Variants in MEIKIN observed in about 807,000 individuals in gnomAD.
MEIKIN encodes the protein meiosis-specific kinetochore protein.
chr5:131,871,722 G>A (rs578051582), intron 9 of MEIKIN, among the ~76,000 whole-genome samples: 3 of 152,312 alleles, frequency 2.0e-5, no homozygotes, highest in East Asian at 1.9e-4. Flanking sequence ...CCTGACCTCC[G>A]AGTAGCCTAA....
At chr5:131,905,410 C>A (rs191792828) in intron 8 of MEIKIN, among the ~76,000 whole-genome samples, 2 of 151,808 alleles carry the variant, frequency 1.3e-5, no homozygotes, top group African/African-American at 4.8e-5. Flanking sequence ...AGCAAATCAA[C>A]CCCAAAGCTA....
intron 4 of MEIKIN, among the ~76,000 whole-genome samples, chr5:131,936,960 C>G (rs747309945): frequency 5.1e-4 from 78 of 152,194 alleles, no homozygotes; most frequent in Non-Finnish European, 1.1e-3. Flanking sequence ...CCCTCTCTCC[C>G]TCTTCTTCTG....
At chr5:131,876,440 A>T (rs1040258122) in intron 9 of MEIKIN, among the ~76,000 whole-genome samples, 4 of 150,382 alleles carry the variant, frequency 2.7e-5, no homozygotes, top group African/African-American at 1.0e-4. Context: ...TCAAAACCAC[A>T]ATGAGATACC....
chr5:131,830,242 C>G (rs1023335112), intron 11 of MEIKIN, among the ~76,000 whole-genome samples: 2 of 151,822 alleles, frequency 1.3e-5, no homozygotes, highest in African/African-American at 2.4e-5. Flanking sequence ...AAAAAAAATA[C>G]AAAAATTATC....
At chr5:131,910,819 A>G (rs1751323547) in intron 8 of MEIKIN, among the ~76,000 whole-genome samples, 1 of 152,154 alleles carries the variant, frequency 6.6e-6, no homozygotes, top group Non-Finnish European at 1.5e-5. Context: ...AAGTTACCAT[A>G]TAAAAGTAAG....
At chr5:131,808,438 T>C (rs1481484954) in intron 12 of MEIKIN, among the ~76,000 whole-genome samples, 5 of 152,204 alleles carry the variant, frequency 3.3e-5, no homozygotes, top group African/African-American at 4.8e-5. Context: ...GACCCAAAAG[T>C]CATCTCTAAC....
At chr5:131,928,020 T>C (rs1751620743) in intron 5 of MEIKIN, among the ~76,000 whole-genome samples, 1 of 151,588 alleles carries the variant, frequency 6.6e-6, no homozygotes, top group Non-Finnish European at 1.5e-5. Context: ...GGCGCGCGCC[T>C]GTAGTCCCAG....
intron 4 of MEIKIN, among the ~76,000 whole-genome samples, chr5:131,935,649 T>C (rs181460929): frequency 2.0e-5 from 3 of 152,340 alleles, no homozygotes; most frequent in African/African-American, 7.2e-5. Flanking sequence ...AGCATTGTTC[T>C]GAAAACCTAT....
chr5:131,850,473 A>G (rs1750092998), intron 11 of MEIKIN, among the ~76,000 whole-genome samples: 1 of 152,222 alleles, frequency 6.6e-6, no homozygotes, highest in East Asian at 1.9e-4. Context: ...GTACTAACAT[A>G]AAGACAGACA....
intron 11 of MEIKIN, among the ~76,000 whole-genome samples, chr5:131,839,953 G>A (rs889986633): frequency 3.9e-5 from 6 of 152,174 alleles, no homozygotes; most frequent in African/African-American, 1.4e-4. Context: ...TCACTGGTCT[G>A]TGTACTTCAG....
chr5:131,928,869 T>C (rs1397773082), intron 5 of MEIKIN, among the ~76,000 whole-genome samples: 2 of 152,204 alleles, frequency 1.3e-5, no homozygotes, highest in Non-Finnish European at 2.9e-5. Flanking sequence ...ACAATATTAC[T>C]GTATTCTGTA....
chr5:131,920,591 T>C (rs1395368829), intron 6 of MEIKIN, among the ~76,000 whole-genome samples: 1 of 152,212 alleles, frequency 6.6e-6, no homozygotes, highest in Non-Finnish European at 1.5e-5. Flanking sequence ...CATAATATTC[T>C]TCAAATAAAA....
At chr5:131,936,989 A>G (rs1751790746) in intron 4 of MEIKIN, among the ~76,000 whole-genome samples, 1 of 152,048 alleles carries the variant, frequency 6.6e-6, no homozygotes, top group Non-Finnish European at 1.5e-5. Context: ...TCTTTTTTAA[A>G]AAAGTATAGC....
intron 11 of MEIKIN, among the ~76,000 whole-genome samples, chr5:131,831,002 A>G (rs995798509): frequency 2.0e-5 from 3 of 151,844 alleles, no homozygotes; most frequent in Non-Finnish European, 4.4e-5. Context: ...GGTTCAAGTG[A>G]TTCTCCTGCC....
intron 9 of MEIKIN, among the ~76,000 whole-genome samples, chr5:131,863,558 T>C (rs1329264707): frequency 1.3e-4 from 1 of 7,812 alleles, no homozygotes; most frequent in African/African-American, 2.0e-4. Context: ...TTCTTTGTCC[T>C]TTTTTTTTTT....
chr5:131,877,009 G>A (rs1750625661), intron 9 of MEIKIN, among the ~76,000 whole-genome samples: 1 of 133,032 alleles, frequency 7.5e-6, no homozygotes, highest in Non-Finnish European at 1.6e-5. Context: ...GGTGGGGGGA[G>A]GGGGCGAGGG....
chr5:131,830,376 A>G (rs1199635655), intron 11 of MEIKIN, among the ~76,000 whole-genome samples: 1 of 152,218 alleles, frequency 6.6e-6, no homozygotes, highest in Non-Finnish European at 1.5e-5. Flanking sequence ...CAGCCTGGGC[A>G]AGAGAGTGAG....
rs534866426 is a variant in MEIKIN, at chr5:131,943,260, CATCT to C, written c.289-569_289-566del. Among the ~76,000 whole-genome samples, 486 of 152,178 alleles carry C rather than the reference CATCT, an allele frequency of 3.2e-3. 6 individuals carry two copies. The highest frequency in any genetic ancestry group is 0.011 in the African/African-American group (473 of 41,532). ...GAAAAGTAAAAAACATGCTACTTTT[CATCT>C]ATCTATCTATCTATTTCATATATAT... On this transcript the variant is annotated intron_variant, in intron 3 of 12. Transcript: ENST00000442687.
At chr5:131,869,566 T>C (rs1038334011) in intron 9 of MEIKIN, among the ~76,000 whole-genome samples, 3 of 152,188 alleles carry the variant, frequency 2.0e-5, no homozygotes, top group African/African-American at 7.2e-5. Flanking sequence ...CAGGCCTTGT[T>C]ACAAAAAACA....
Sources: gnomAD v4.1 joint callset for allele counts (sites outside exome capture counted in the v4.1 genomes callset) on GRCh38, gnomAD v4.1.1 for gene constraint, MANE v1.5 for transcripts, NCBI Gene and HGNC (gene_info 2026-07-23, HGNC 2026-07-21) for gene names.